Variants in ANAPC1 observed in about 807,000 individuals in gnomAD.
ANAPC1 encodes anaphase-promoting complex subunit 1.
In ANAPC1, 36 loss-of-function variants were observed where a neutral mutation model predicts 208.0. The ratio of observed to expected loss-of-function variants is 0.17; its 90% CI spans 0.13 to 0.23. The LOEUF is 0.23. ANAPC1 is among the 10% of genes least tolerant of loss of function. The probability of loss-of-function intolerance (pLI) is 1.00; values close to 1 mark genes in which losing one functional copy is unlikely to be tolerated. For missense variants in ANAPC1, 942 were observed against 2,011.6 expected, an observed-to-expected ratio of 0.47 and a Z score of 10.17; for synonymous variants, 378 against 695.2, an observed-to-expected ratio of 0.54 and a Z score of 7.18.
chr2:111,829,012 C>T (rs1184745358), intron 21 of ANAPC1, among the ~76,000 whole-genome samples: 1 of 152,132 alleles, frequency 6.6e-6, no homozygotes, highest in African/African-American at 2.4e-5. Context: ...GTCAGGAGTT[C>T]AAGACCAGCC....
chr2:111,841,761 T>A (rs1470254619), intron 17 of ANAPC1, among the ~76,000 whole-genome samples: 1 of 152,048 alleles, frequency 6.6e-6, no homozygotes, highest in Non-Finnish European at 1.5e-5. Context: ...CTGTGGCCAC[T>A]GGACTGAGAA....
intron 11 of ANAPC1, among the ~76,000 whole-genome samples, chr2:111,857,593 T>A (rs1241370333): frequency 6.6e-6 from 1 of 152,216 alleles, no homozygotes; most frequent in South Asian, 2.1e-4. Context: ...CTGGTGGGAA[T>A]ATAAAATGAT....
intron 6 of ANAPC1, among the ~76,000 whole-genome samples, chr2:111,871,491 C>T (rs1289324259): frequency 6.6e-6 from 1 of 152,142 alleles, no homozygotes; most frequent in Non-Finnish European, 1.5e-5. Context: ...TGGCTCATGC[C>T]TATAATCCCA....
chr2:111,808,847 G>A, intron 29 of ANAPC1, 100 bp downstream of exon 29: 2 of 1,496,990 alleles, frequency 1.3e-6, no homozygotes, highest in East Asian at 4.7e-5. Context: ...AGCTACCATT[G>A]TCTTTCCTTA....
chr2:111,830,724 T>TA (rs1404642740), intron 21 of ANAPC1, among the ~76,000 whole-genome samples: 1 of 151,656 alleles, frequency 6.6e-6, no homozygotes, highest in East Asian at 1.9e-4. Flanking sequence ...AAGACAAAAA[T>TA]AAAAAAGAGT....
At chr2:111,869,324 A>C (rs4848211) in intron 6 of ANAPC1, among the ~76,000 whole-genome samples, 88,321 of 151,660 alleles carry the variant, frequency 0.58, 26,615 homozygotes, top group South Asian at 0.69. Context: ...GCTCACTGCA[A>C]CCTCCGTCTC....
chr2:111,882,309 C>T (rs1428365950), intron 1 of ANAPC1, among the ~76,000 whole-genome samples: 3 of 152,150 alleles, frequency 2.0e-5, no homozygotes. Context: ...GCTGCAATCC[C>T]CGTTGTTTCC....
intron 14 of ANAPC1, among the ~76,000 whole-genome samples, chr2:111,849,406 G>C (rs187263131): frequency 3.1e-3 from 468 of 152,188 alleles, no homozygotes; most frequent in African/African-American, 0.011. Context: ...CTGCAAATGT[G>C]CTGGTTTGAA....
At chr2:111,866,266 G>A in intron 7 of ANAPC1, 1 of 382,520 alleles carries the variant, frequency 2.6e-6, no homozygotes, top group Non-Finnish European at 5.0e-6. Flanking sequence ...AGGGACATTT[G>A]TGAAGCGAGT....
chr2:111,844,823 G>A (rs1156730039), intron 16 of ANAPC1, among the ~76,000 whole-genome samples: 1 of 152,112 alleles, frequency 6.6e-6, no homozygotes, highest in Non-Finnish European at 1.5e-5. Context: ...AGGGTTAAGA[G>A]TTAATACCAC....
intron 46 of ANAPC1, among the ~76,000 whole-genome samples, chr2:111,775,852 G>A (rs1676981728): frequency 6.6e-6 from 1 of 152,234 alleles, no homozygotes; most frequent in African/African-American, 2.4e-5. Context: ...CAAAAATGAG[G>A]ATAAAAATGA....
chr2:111,819,269 C>T, intron 26 of ANAPC1: 3 of 983,682 alleles, frequency 3.0e-6, no homozygotes, highest in Non-Finnish European at 3.6e-6. Context: ...ATTTAAAATT[C>T]CACTCCGATG....
chr2:111,775,826 A>G (rs1403369117), intron 46 of ANAPC1, among the ~76,000 whole-genome samples: 27 of 152,348 alleles, frequency 1.8e-4, no homozygotes, highest in African/African-American at 6.3e-4. Context: ...AACCTTTGAA[A>G]TAACATGTTT....
chr2:111,798,171 T>C (rs986332220), intron 34 of ANAPC1, among the ~76,000 whole-genome samples: 1 of 142,708 alleles, frequency 7.0e-6, no homozygotes, highest in African/African-American at 2.7e-5. Context: ...GAACCATGTG[T>C]GCACAGGGCA....
intron 17 of ANAPC1, 130 bp from the exon 18 acceptor site, chr2:111,838,642 G>T (rs1307090943): frequency 1.9e-5 from 12 of 634,006 alleles, no homozygotes; most frequent in South Asian, 2.5e-5. Flanking sequence ...CTCATTTTTT[G>T]ATCTGGAAAG....
intron 10 of ANAPC1, among the ~76,000 whole-genome samples, chr2:111,858,864 G>A (rs1344179499): frequency 6.6e-6 from 1 of 151,072 alleles, no homozygotes; most frequent in South Asian, 2.1e-4. Flanking sequence ...ACATTTCTAA[G>A]AATTAAACTT....
intron 47 of ANAPC1, among the ~76,000 whole-genome samples, chr2:111,770,418 T>C (rs1175798092): frequency 6.9e-6 from 1 of 143,946 alleles, no homozygotes; most frequent in Non-Finnish European, 1.5e-5. Context: ...TGACTAGGTA[T>C]GGTTTTCTTT....
chr2:111,820,784 T>C (rs1679487147), intron 26 of ANAPC1, among the ~76,000 whole-genome samples: 1 of 150,792 alleles, frequency 6.6e-6, no homozygotes, highest in East Asian at 2.0e-4. Context: ...TATCTATTTT[T>C]ATTTGGAGTA....
intron 28 of ANAPC1, among the ~76,000 whole-genome samples, chr2:111,810,505 A>T (rs1397265144): frequency 6.6e-6 from 1 of 151,730 alleles, no homozygotes; most frequent in Non-Finnish European, 1.5e-5. Context: ...AGATTCCTTA[A>T]AAAAAAATAA....
Sources: gnomAD v4.1 joint callset for allele counts (sites outside exome capture counted in the v4.1 genomes callset) on GRCh38, gnomAD v4.1.1 for gene constraint, MANE v1.5 for transcripts, NCBI Gene and HGNC (gene_info 2026-07-23, HGNC 2026-07-21) for gene names.